OSBPL10: variants seen among roughly 807,000 people sequenced by gnomAD.
OSBPL10 encodes oxysterol-binding protein-related protein 10.
OSBPL10 carries 49 observed loss-of-function variants against 81.7 expected under a neutral mutation model. That is an observed-to-expected ratio of 0.60 (90% CI 0.48 to 0.76). The LOEUF (loss-of-function observed/expected upper bound fraction) is 0.76. Ranked by LOEUF, OSBPL10 falls within the 30% of genes least tolerant of loss-of-function variation. OSBPL10 has a pLI of 0.00. For missense variants in OSBPL10, 923 were observed against 987.8 expected (o/e 0.93, Z 0.88); for synonymous variants, 419 against 383.6 (o/e 1.09, Z -1.08).
intron 1 of OSBPL10, among the ~76,000 whole-genome samples, chr3:31,936,505 C>A (rs1022960771): frequency 3.3e-5 from 5 of 152,174 alleles, no homozygotes; most frequent in Non-Finnish European, 5.9e-5. Flanking sequence ...TTTATCATAT[C>A]CAGTTCCATT....
intron 3 of OSBPL10, among the ~76,000 whole-genome samples, chr3:31,836,603 T>C (rs2125543207): frequency 6.7e-6 from 1 of 149,758 alleles, no homozygotes; most frequent in East Asian, 2.0e-4. Flanking sequence ...TCAACTGCTC[T>C]GGAATCCCTA....
At chr3:31,703,545 C>T (rs1318803193) in intron 6 of OSBPL10, 5 of 152,210 alleles carry the variant, frequency 3.3e-5, no homozygotes, top group Admixed American at 2.6e-4. Context: ...CATCTTATAT[C>T]TACAGGCACT....
At chr3:31,770,681 G>A (rs1698355320) in intron 4 of OSBPL10, among the ~76,000 whole-genome samples, 1 of 152,152 alleles carries the variant, frequency 6.6e-6, no homozygotes, top group Admixed American at 6.5e-5. Flanking sequence ...AGCTACTTGG[G>A]AGGCTGAGGC....
chr3:32,037,527 G>T, intron 2 of OSBPL10: 1 of 200,210 alleles, frequency 5.0e-6, no homozygotes, highest in Non-Finnish European at 1.0e-5. Flanking sequence ...AGAAAAGATA[G>T]GTCATTTCAA....
At chr3:31,876,618 A>C in intron 2 of OSBPL10, 106 bp from the exon 3 acceptor site, 2 of 880,110 alleles carry the variant, frequency 2.3e-6, no homozygotes, top group South Asian at 2.9e-5. Flanking sequence ...GGGGAGTGAG[A>C]GGTAGCAAGA....
Position 31,944,495 on chromosome 3 carries a change from T to C in OSBPL10, c.281+36404A>G, listed in dbSNP as rs1303210896. Among the ~76,000 whole-genome samples, 3 of 152,174 alleles carry C rather than the reference T, an allele frequency of 2.0e-5. No homozygotes were observed. The East Asian group carries it at 5.8e-4, about 29-fold the overall frequency. ...CCATATTTTAAACTAACAGGCCTGC[T>C]AAAGCATGGATATATTTACATATGG... On this transcript the variant is annotated intron_variant, in intron 1 of 11. Coordinates refer to ENST00000396556, the MANE Select transcript of OSBPL10 (RefSeq NM_017784.5).
chr3:31,752,356 C>G (rs7615152), intron 4 of OSBPL10, among the ~76,000 whole-genome samples: 6,539 of 152,216 alleles, frequency 0.043, 428 homozygotes, highest in African/African-American at 0.14. Context: ...CTTCCACGAT[C>G]AAGGCATCAT....
chr3:31,759,963 T>C (rs1225685296), intron 4 of OSBPL10, among the ~76,000 whole-genome samples: 4 of 152,172 alleles, frequency 2.6e-5, no homozygotes, highest in Admixed American at 6.5e-5. Flanking sequence ...GGTTTTGCCA[T>C]GTTGGCCAGG....
At chr3:31,825,118 G>A (rs1388009320) in intron 4 of OSBPL10, among the ~76,000 whole-genome samples, 1 of 152,088 alleles carries the variant, frequency 6.6e-6, no homozygotes, top group Non-Finnish European at 1.5e-5. Flanking sequence ...TATGGACAGT[G>A]GGGAATCAAA....
chr3:31,911,019 C>G (rs1447110931), intron 1 of OSBPL10, among the ~76,000 whole-genome samples: 4 of 152,144 alleles, frequency 2.6e-5, no homozygotes, highest in Non-Finnish European at 4.4e-5. Flanking sequence ...CACAGCCCAG[C>G]CTTTCAGGAC....
intron 3 of OSBPL10, among the ~76,000 whole-genome samples, chr3:31,866,662 T>C (rs975385425): frequency 1.3e-5 from 2 of 152,040 alleles, no homozygotes; most frequent in Admixed American, 6.5e-5. Context: ...TCAGCTATCA[T>C]TGGAAGTTTT....
chr3:31,792,071 C>CA (rs1207415584), intron 4 of OSBPL10, among the ~76,000 whole-genome samples: 4 of 151,408 alleles, frequency 2.6e-5, no homozygotes, highest in Non-Finnish European at 4.4e-5. Flanking sequence ...CATAGCAAGA[C>CA]AAAAAAAATT....
In OSBPL10 at chr3:31,906,461, A is replaced by C. The variant is rs372414847; in HGVS notation, c.282-26631T>G. 3.3e-5 allele frequency among the ~76,000 whole-genome samples: 5 copies of C among 152,352 alleles called. No individual in the cohort carries two copies. In the East Asian group the frequency reaches 9.6e-4, roughly 29 times the overall value. The stretch of plus-strand genomic sequence containing the variant: ...GATCCAGGGCAAAAGATCATTAAAT[A>C]GAAATGTATCCTTTCATTATCATCC... On this transcript the variant is annotated intron_variant, in intron 1 of 11. Transcript: ENST00000396556.
chr3:31,860,833 C>G (rs1010260816), intron 3 of OSBPL10, among the ~76,000 whole-genome samples: 1 of 149,878 alleles, frequency 6.7e-6, no homozygotes, highest in African/African-American at 2.5e-5. Context: ...CCATGCCTGG[C>G]TAATTTTTGT....
intron 1 of OSBPL10, among the ~76,000 whole-genome samples, chr3:31,944,858 A>G (rs1205787576): frequency 8.1e-6 from 1 of 122,898 alleles, no homozygotes; most frequent in East Asian, 2.2e-4. Context: ...AAAAAAAAAA[A>G]AAAAAAAAAA....
intron 4 of OSBPL10, among the ~76,000 whole-genome samples, chr3:31,811,339 G>A (rs1212674100): frequency 6.6e-5 from 10 of 152,226 alleles, no homozygotes; most frequent in Non-Finnish European, 1.5e-4. Flanking sequence ...GGAGAGGCCT[G>A]GGCTCAGAAC....
Position 31,856,433 on chromosome 3 carries a change from A to T in OSBPL10, c.537+20000T>A, listed in dbSNP as rs144277869. ...AAAATGGCACTGAGCTTAATAAAAC[A>T]TGAAAGCAAAATTACCCAATAGCAG... is the stretch of plus-strand genomic sequence containing the variant. On this transcript the variant is annotated intron_variant, in intron 3 of 11. Transcript: ENST00000396556. Among the ~76,000 whole-genome samples the T allele has an allele frequency of 2.7e-4, 41 of 152,354 alleles. 1 individual carries two copies. In the South Asian group the frequency reaches 6.4e-3, roughly 24 times the overall value.
chr3:31,836,674 C>T (rs1380581790), intron 3 of OSBPL10, among the ~76,000 whole-genome samples: 1 of 152,118 alleles, frequency 6.6e-6, no homozygotes, highest in Non-Finnish European at 1.5e-5. Context: ...CCTTGGGCAT[C>T]TGACCCCCTT....
chr3:31,994,070 C>T (rs1411344221), intron 2 of OSBPL10, among the ~76,000 whole-genome samples: 1 of 152,184 alleles, frequency 6.6e-6, no homozygotes, highest in Non-Finnish European at 1.5e-5. Flanking sequence ...ACTATTGTTA[C>T]ATGCAATATT....
Sources: allele counts gnomAD v4.1 joint callset (sites outside exome capture counted in the v4.1 genomes callset), GRCh38; gene constraint gnomAD v4.1.1; transcripts MANE v1.5; gene names NCBI Gene and HGNC (gene_info 2026-07-23, HGNC 2026-07-21).